KCTD10: variants seen among roughly 807,000 people sequenced by gnomAD.
KCTD10 encodes the protein BTB/POZ domain-containing adapter for CUL3-mediated RhoA degradation protein 3.
A neutral mutation model predicts 34.6 loss-of-function variants in KCTD10; 13 were observed. The observed-to-expected ratio is 0.38, with a 90% CI of 0.24 to 0.60. The LOEUF (loss-of-function observed/expected upper bound fraction) is 0.60, where lower values mean the gene tolerates loss of function less well. Among genes scored for constraint, KCTD10 ranks in the 20% least tolerant of loss-of-function variants. KCTD10 has a pLI of 0.66. For synonymous variants in KCTD10, 156 were observed against 168.8 expected (o/e 0.92, Z 0.59); for missense variants, 256 against 420.3 (o/e 0.61, Z 3.42).
chr12:109,474,143 G>A (rs139657102), intron 1 of KCTD10, among the ~76,000 whole-genome samples: 1,992 of 152,080 alleles, frequency 0.013, 34 homozygotes, highest in African/African-American at 0.041. Context: ...TCGAACTCCC[G>A]ACCTCAAGTG....
chr12:109,467,173 G>C (rs968544164), intron 2 of KCTD10, among the ~76,000 whole-genome samples: 1 of 152,234 alleles, frequency 6.6e-6, no homozygotes, highest in Non-Finnish European at 1.5e-5. Flanking sequence ...ACAGCAGACA[G>C]TAAGAGGCAG....
chr12:109,471,693 T>C (rs1006193883), intron 1 of KCTD10, among the ~76,000 whole-genome samples: 2 of 152,060 alleles, frequency 1.3e-5, no homozygotes, highest in Non-Finnish European at 2.9e-5. Context: ...TTCCAAAAAC[T>C]GTGAAGACCT....
chr12:109,469,408 G>C, intron 2 of KCTD10, 107 bp downstream of exon 2: 2 of 1,349,660 alleles, frequency 1.5e-6, no homozygotes, highest in Non-Finnish European at 2.0e-6. Context: ...CCAACAAGCT[G>C]CCTCCTACAC....
chr12:109,463,474 T>C (rs866461386), intron 2 of KCTD10, among the ~76,000 whole-genome samples: 9 of 152,160 alleles, frequency 5.9e-5, no homozygotes, highest in East Asian at 3.9e-4. Context: ...GCCTAGCACG[T>C]AGAAAGACAA....
intron 1 of KCTD10, among the ~76,000 whole-genome samples, chr12:109,472,001 T>G (rs1420489120): frequency 6.6e-6 from 1 of 152,172 alleles, no homozygotes; most frequent in African/African-American, 2.4e-5. Context: ...GCCTGGAAAT[T>G]GCTCTGGGTG....
Position 109,451,502 on chromosome 12 carries a change from A to G in KCTD10, c.*93T>C. ...AAAAGTATCTCCAGGCTCCAAGGGA[A>G]GCAGAAGGGGCCCGGCAGCCTGCAC... On this transcript the variant is annotated 3_prime_UTR_variant, in exon 7 of 7. Coordinates refer to ENST00000228495, the MANE Select transcript of KCTD10 (RefSeq NM_031954.5). The surrounding 1 kb of genome is among the most constrained non-coding windows in gnomAD (Gnocchi z 5.0). 1.7e-6 allele frequency: 2 copies of G among 1,203,172 alleles called. No individual in the cohort carries two copies. The highest frequency in any genetic ancestry group is 3.0e-5 in the South Asian group (2 of 66,976). The allele number at this position is 1,203,172 out of a possible 1,614,324, so 74.5% of individuals were successfully genotyped here.
rs766062123 is a variant in KCTD10, at chr12:109,456,111, C to T, written c.723+7G>A. 3.7e-6 allele frequency: 6 copies of T among 1,614,006 alleles called. No individual in the cohort carries two copies. The African/African-American group carries it at 6.7e-5, about 18-fold the overall frequency. Reference sequence around the variant, plus strand: ...GCCACTCCAAACTGTCCTCTCGAGGCTCTTACCTTGGTCTGTTTCTTCTCA... The same window carrying T: ...GCCACTCCAAACTGTCCTCTCGAGGTTCTTACCTTGGTCTGTTTCTTCTCA... On this transcript the variant is annotated splice_region_variant and intron_variant, in intron 6 of 6. Coordinates refer to ENST00000228495, the MANE Select transcript of KCTD10 (RefSeq NM_031954.5).
chr12:109,455,092 G>A (rs547061176), intron 6 of KCTD10, among the ~76,000 whole-genome samples: 2 of 151,464 alleles, frequency 1.3e-5, no homozygotes, highest in South Asian at 4.2e-4. Flanking sequence ...TCTTGCCAAT[G>A]TGGAGAGAGA....
chr12:109,473,652 G>C (rs1182429401), intron 1 of KCTD10, among the ~76,000 whole-genome samples: 1 of 152,100 alleles, frequency 6.6e-6, no homozygotes, highest in East Asian at 1.9e-4. Context: ...TGGGGGAAAA[G>C]TTTTGGCAGC....
At chr12:109,474,318 C>A (rs1874041105) in intron 1 of KCTD10, among the ~76,000 whole-genome samples, 1 of 152,122 alleles carries the variant, frequency 6.6e-6, no homozygotes, top group Admixed American at 6.5e-5. Flanking sequence ...AACAGAGAGG[C>A]AATGAATACT....
At chr12:109,471,507 C>T (rs1287991878) in intron 1 of KCTD10, 1 of 723,384 alleles carries the variant, frequency 1.4e-6, no homozygotes, top group East Asian at 1.3e-4. Context: ...CACCTGGGGT[C>T]TTTGCTGCCC....
At chr12:109,461,966 A>C (rs1873350831) in intron 2 of KCTD10, among the ~76,000 whole-genome samples, 1 of 143,476 alleles carries the variant, frequency 7.0e-6, no homozygotes, top group African/African-American at 2.6e-5. Context: ...TTCCACTCCT[A>C]ACAACGCTGT....
rs1170812340 is a variant in KCTD10 at position 109,450,729 on chromosome 12, T to TCACA, written c.*862_*865dup. 1 of 187,532 alleles carries TCACA rather than the reference T, an allele frequency of 5.3e-6. No individual in the cohort carries two copies. The highest frequency in any genetic ancestry group is 6.2e-5 in the Admixed American group (1 of 16,204). 11.6% of individuals were successfully genotyped at this position (187,532 alleles called of 1,614,324 possible). The stretch of plus-strand genomic sequence containing the variant: ...AGGGGTAGTTTATGAGCTATGCCTG[T>TCACA]CACAGGGTCAGATGGCCTTCCTGGA... On this transcript the variant is annotated 3_prime_UTR_variant, in exon 7 of 7. Transcript: ENST00000228495.
intron 2 of KCTD10, among the ~76,000 whole-genome samples, chr12:109,463,822 G>A (rs1391422913): frequency 6.6e-6 from 1 of 152,170 alleles, no homozygotes; most frequent in Admixed American, 6.5e-5. Context: ...AGAACGTACA[G>A]AAGGCACACA....
intron 2 of KCTD10, chr12:109,464,910 C>T (rs2135667066): frequency 2.2e-6 from 1 of 453,546 alleles, no homozygotes; most frequent in South Asian, 1.6e-5. Context: ...GTAGAAGATG[C>T]TGTCCCAATT....
rs1288561111 is a variant in KCTD10, at chr12:109,456,179, C to T, written c.662G>A (p.Arg221Gln). ...ICCWSFYGQGRKIAEVCCTSI... is the reference protein window; with the variant it reads ...ICCWSFYGQGQKIAEVCCTSI... ...GGTACAACAGACTTCAGCAATCTTC[C>T]GGCCCTGACCATAAAAGGACCAGCA... Residue 221 changes from arginine (R) to glutamine (Q), a missense_variant, in exon 6 of 7, where the codon CGG (arginine) becomes CAG (glutamine). By Grantham distance (43) the Arg-to-Gln change is conservative. Coordinates refer to ENST00000228495, the MANE Select transcript of KCTD10 (RefSeq NM_031954.5). 4 of 1,614,118 alleles carry T rather than the reference C, an allele frequency of 2.5e-6. No individual in the cohort carries two copies. The highest frequency in any genetic ancestry group is 3.4e-6 in the Non-Finnish European group (4 of 1,180,024).
chr12:109,450,161 C>G lies in KCTD10; in HGVS notation c.*1434G>C, dbSNP rs1045449618. The G allele has an allele frequency of 5.0e-6, 2 of 398,152 alleles. No individual in the cohort carries two copies. The highest frequency in any genetic ancestry group is 8.8e-6 in the Non-Finnish European group (2 of 226,002). 24.7% of individuals were successfully genotyped at this position (398,152 alleles called of 1,614,324 possible). ...CCTTTGGTATAAAACGGTAACGATT[C>G]CCTTGACAAACCCATCCATCACCTG... On this transcript the variant is annotated 3_prime_UTR_variant, in exon 7 of 7. Transcript: ENST00000228495.
chr12:109,450,134 T>C lies in KCTD10; in HGVS notation c.*1461A>G, dbSNP rs1201652506. On this transcript the variant is annotated 3_prime_UTR_variant, in exon 7 of 7. Coordinates refer to ENST00000228495, the MANE Select transcript of KCTD10 (RefSeq NM_031954.5). Reference sequence around the variant, plus strand: ...ATGTGTCAAAGGCTGCCCATGTTAATACCTTTGGTATAAAACGGTAACGAT... The same window carrying C: ...ATGTGTCAAAGGCTGCCCATGTTAACACCTTTGGTATAAAACGGTAACGAT... The C allele has an allele frequency of 2.8e-5, 11 of 397,706 alleles. No individual in the cohort carries two copies. The highest frequency in any genetic ancestry group is 4.9e-5 in the Non-Finnish European group (11 of 225,856). 24.6% of individuals were successfully genotyped at this position (397,706 alleles called of 1,614,324 possible).
intron 5 of KCTD10, 187 bp downstream of exon 5, chr12:109,457,443 C>T (rs1873075767): frequency 1.7e-6 from 1 of 590,196 alleles, no homozygotes; most frequent in Admixed American, 3.1e-5. Flanking sequence ...AGAAAGATGA[C>T]TTTTATGATA....
Sources: allele counts gnomAD v4.1 joint callset (sites outside exome capture counted in the v4.1 genomes callset), GRCh38; gene constraint gnomAD v4.1.1; non-coding constraint Gnocchi (gnomAD v3.1); transcripts MANE v1.5; gene names NCBI Gene and HGNC (gene_info 2026-07-23, HGNC 2026-07-21).